ANKRD54: variants seen among roughly 807,000 people sequenced by gnomAD.
The protein encoded by ANKRD54 is ankyrin repeat domain-containing protein 54.
In ANKRD54, 26 loss-of-function variants were observed where a neutral mutation model predicts 36.2. The ratio of observed to expected loss-of-function variants is 0.72; its 90% CI spans 0.53 to 1.00. The LOEUF is 1.00. Among genes scored for constraint, ANKRD54 ranks in the 50% least tolerant of loss-of-function variants. ANKRD54 has a pLI of 0.00. For synonymous variants in ANKRD54, 209 were observed against 188.4 expected (o/e 1.11, Z -0.89); for missense variants, 384 against 424.3 (o/e 0.91, Z 0.83).
upstream of ANKRD54, among the ~76,000 whole-genome samples, chr22:37,845,305 A>T (rs1924771912): frequency 6.6e-6 from 1 of 152,222 alleles, no homozygotes; most frequent in Non-Finnish European, 1.5e-5. Flanking sequence ...GGTGCCCCTG[A>T]GATGCTCACA....
upstream of ANKRD54, chr22:37,849,341 G>A (rs774522034): frequency 1.4e-6 from 2 of 1,428,838 alleles, no homozygotes; most frequent in African/African-American, 1.4e-5. Flanking sequence ...GCCTCGGAAA[G>A]GCTTCCGGTT....
upstream of ANKRD54, chr22:37,847,559 G>C (rs183706831): frequency 1.8e-4 from 72 of 400,214 alleles, no homozygotes; most frequent in Admixed American, 2.7e-3. Context: ...AGATTAAATG[G>C]AAGATGAGGG....
chr22:37,844,206 C>T lies in ANKRD54; in HGVS notation c.33G>A (p.Glu11=). MAAAAGDADD[E]PRSGHSSSEG... The stretch of plus-strand genomic sequence containing the variant: ...CCGAGCTCGAGTGGCCTGAGCGCGG[C>T]TCGTCGTCCGCGTCCCCGGCGGCGG... The change falls in exon 1 of 8, where the codon GAG becomes GAA. Residue 11 remains glutamate (E), a synonymous_variant. Coordinates refer to ENST00000215941, the MANE Select transcript of ANKRD54 (RefSeq NM_138797.4). 1.3e-6 allele frequency: 2 copies of T among 1,522,756 alleles called. No individual in the cohort carries two copies. Among genetic ancestry groups the T allele is most frequent in the Non-Finnish European group, 1.7e-6 (2 of 1,144,590 alleles). The allele number at this position is 1,522,756 out of a possible 1,614,324, so 94.3% of individuals were successfully genotyped here.
chr22:37,832,790 A>G lies in ANKRD54; in HGVS notation c.721-46T>C, dbSNP rs1372001481. On this transcript the variant is annotated intron_variant, in intron 6 of 7. Coordinates refer to ENST00000215941, the MANE Select transcript of ANKRD54 (RefSeq NM_138797.4). ...GAGCTGCCTGGGTTCCTAGGGAGGC[A>G]GACAGGCTGATGCTGCTTCCAAAAA... 9 of 1,609,742 alleles carry G rather than the reference A, an allele frequency of 5.6e-6. No individual in the cohort carries two copies. The East Asian group carries it at 2.0e-4, about 36-fold the overall frequency.
At chr22:37,848,060 C>CG (rs1224713322), upstream of ANKRD54, 2 of 157,774 alleles carry the variant, frequency 1.3e-5, no homozygotes, top group African/African-American at 4.8e-5. Context: ...AGGAGGGCGG[C>CG]GTGACAAAGG....
intron 3 of ANKRD54, 60 bp from the exon 4 acceptor site, chr22:37,833,815 C>T (rs766510945): frequency 1.1e-5 from 17 of 1,527,382 alleles, no homozygotes; most frequent in Non-Finnish European, 1.5e-5. Context: ...CACCCTGAAC[C>T]CCTAACCTAG....
chr22:37,837,040 A>G (rs1923640930), intron 3 of ANKRD54, among the ~76,000 whole-genome samples: 1 of 151,974 alleles, frequency 6.6e-6, no homozygotes, highest in South Asian at 2.1e-4. Flanking sequence ...AAAAAAAAAA[A>G]AAAGGCCAAT....
chr22:37,840,298 C>A, intron 1 of ANKRD54, 64 bp from the exon 2 acceptor site: 1 of 1,566,606 alleles, frequency 6.4e-7, no homozygotes, highest in Non-Finnish European at 8.8e-7. Context: ...GTGGCTCATG[C>A]CTATAATCCC....
intron 2 of ANKRD54, among the ~76,000 whole-genome samples, chr22:37,838,872 T>C (rs948978319): frequency 1.1e-4 from 16 of 152,216 alleles, no homozygotes; most frequent in African/African-American, 3.9e-4. Context: ...TCAGAAATTT[T>C]AGGGTCACAG....
chr22:37,835,486 C>A (rs1224251796), intron 3 of ANKRD54, among the ~76,000 whole-genome samples: 1 of 152,062 alleles, frequency 6.6e-6, no homozygotes, highest in Non-Finnish European at 1.5e-5. Flanking sequence ...GATTTCTAAC[C>A]AGAATATACA....
At chr22:37,838,437 C>T in intron 3 of ANKRD54, 63 bp downstream of exon 3, 5 of 1,505,928 alleles carry the variant, frequency 3.3e-6, no homozygotes, top group East Asian at 2.4e-5. Flanking sequence ...AGCGCCTCCC[C>T]CAAGGCCTGT....
chr22:37,841,391 G>T (rs1924218779), intron 1 of ANKRD54, among the ~76,000 whole-genome samples: 1 of 151,968 alleles, frequency 6.6e-6, no homozygotes, highest in Non-Finnish European at 1.5e-5. Context: ...TTGGGCATGG[G>T]GGTGCACGCC....
At chr22:37,844,515 T>A (rs1924710100), upstream of ANKRD54, 1 of 398,050 alleles carries the variant, frequency 2.5e-6, no homozygotes, top group Admixed American at 4.6e-5. Context: ...TGACAGACAT[T>A]GTAACCAATT....
chr22:37,838,389 T>G (rs910287020), intron 3 of ANKRD54, 111 bp downstream of exon 3: 1 of 1,066,068 alleles, frequency 9.4e-7, no homozygotes, highest in Non-Finnish European at 1.3e-6. Flanking sequence ...CTTCCTTATA[T>G]CCAGAACAAC....
intron 1 of ANKRD54, among the ~76,000 whole-genome samples, chr22:37,841,531 AACAC>A (rs754859182): frequency 3.3e-4 from 47 of 141,034 alleles, no homozygotes; most frequent in South Asian, 2.0e-3. Context: ...GTCTCACACA[AACAC>A]ACACACACAC....
At chr22:37,845,321 A>T (rs1434171774), upstream of ANKRD54, among the ~76,000 whole-genome samples, 1 of 152,198 alleles carries the variant, frequency 6.6e-6, no homozygotes, top group Non-Finnish European at 1.5e-5. Flanking sequence ...TCACAATCCA[A>T]TGGGAGAAGA....
In ANKRD54 at chr22:37,831,717, A is replaced by C. The variant is rs1922900622; in HGVS notation, c.*226T>G. On this transcript the variant is annotated 3_prime_UTR_variant, in exon 8 of 8. Transcript: ENST00000215941. ...GTCTGGTGCTGCGAGAACTGGAAGA[A>C]GCTGGGAGCTGTGGTCCCTGTCCAC... The C allele has an allele frequency of 1.8e-6, 1 of 570,456 alleles. No individual in the cohort carries two copies. Among genetic ancestry groups the C allele is most frequent in the African/African-American group, 1.9e-5 (1 of 53,428 alleles). The allele number at this position is 570,456 out of a possible 1,614,324, so 35.3% of individuals were successfully genotyped here.
chr22:37,845,679 G>A (rs1181431970), upstream of ANKRD54, among the ~76,000 whole-genome samples: 1 of 151,968 alleles, frequency 6.6e-6, no homozygotes, highest in Non-Finnish European at 1.5e-5. Context: ...GACAAGCCTG[G>A]CCAACATGAT....
At chr22:37,833,320 C>T in intron 4 of ANKRD54, 114 bp from the exon 5 acceptor site, 1 of 1,339,918 alleles carries the variant, frequency 7.5e-7, no homozygotes, top group Non-Finnish European at 1.0e-6. Context: ...GTTATGCCTA[C>T]TGAGAAGGTA....
Sources: gnomAD v4.1 joint callset for allele counts (sites outside exome capture counted in the v4.1 genomes callset) on GRCh38, gnomAD v4.1.1 for gene constraint, MANE v1.5 for transcripts, NCBI Gene and HGNC (gene_info 2026-07-23, HGNC 2026-07-21) for gene names.